SLC39A10: variants seen among roughly 807,000 people sequenced by gnomAD.
SLC39A10 encodes the protein zinc transporter ZIP10.
SLC39A10 carries 13 observed loss-of-function variants against 65.1 expected under a neutral mutation model. The observed-to-expected ratio is 0.20, with a 90% CI of 0.13 to 0.32. The LOEUF (loss-of-function observed/expected upper bound fraction) is 0.32. Ranked by LOEUF, SLC39A10 falls within the 10% of genes least tolerant of loss-of-function variation. The pLI is 1.00. For synonymous variants in SLC39A10, 321 were observed against 342.2 expected (o/e 0.94, Z 0.68); for missense variants, 831 against 1,018.4 (o/e 0.82, Z 2.50).
In SLC39A10 at chr2:195,687,885, C is replaced by G. The variant is rs535941984; in HGVS notation, c.1216+3979C>G. On this transcript the variant is annotated intron_variant, in intron 3 of 9. Coordinates refer to ENST00000359634, the MANE Select transcript of SLC39A10 (RefSeq NM_020342.3). ...ACCAAGGGGGGATGTGAATAGGCTG[C>G]TAAGCATTTTGTGTCAATTAAAATG... Among the ~76,000 whole-genome samples, 128 of 152,282 alleles carry G rather than the reference C, an allele frequency of 8.4e-4. No homozygotes were observed. In the Middle Eastern group the frequency reaches 0.017, roughly 20 times the overall value.
intron 5 of SLC39A10, among the ~76,000 whole-genome samples, chr2:195,709,085 T>G (rs1233586461): frequency 6.6e-6 from 1 of 152,128 alleles, no homozygotes; most frequent in Non-Finnish European, 1.5e-5. Context: ...AATGCAGTGT[T>G]GTGATCATGG....
chr2:195,637,343 C>A (rs1449602330), intron 2 of SLC39A10, among the ~76,000 whole-genome samples: 7 of 152,142 alleles, frequency 4.6e-5, no homozygotes. Flanking sequence ...GCGGTCTTTG[C>A]CCCACATGAG....
At chr2:195,663,791 CTTTTT>C (rs112204862) in intron 1 of SLC39A10, among the ~76,000 whole-genome samples, 2 of 133,292 alleles carry the variant, frequency 1.5e-5, no homozygotes, top group South Asian at 4.9e-4. Flanking sequence ...TAGTTTTTTT[CTTTTT>C]TTTTTTTTCA....
intron 3 of SLC39A10, among the ~76,000 whole-genome samples, chr2:195,705,945 C>T (rs550141917): frequency 6.6e-6 from 1 of 152,106 alleles, no homozygotes; most frequent in East Asian, 1.9e-4. Context: ...CTCTTGTGTT[C>T]TGAGCCAGTT....
intron 5 of SLC39A10, among the ~76,000 whole-genome samples, chr2:195,711,480 G>A (rs1691599657): frequency 6.6e-6 from 1 of 152,148 alleles, no homozygotes; most frequent in Non-Finnish European, 1.5e-5. Flanking sequence ...AAATAGTAAG[G>A]AATTCTCAAC....
rs757162748 is a variant in SLC39A10 at position 195,718,790 on chromosome 2, A to T, written c.2146+458A>T. 5.3e-5 allele frequency among the ~76,000 whole-genome samples: 8 copies of T among 152,234 alleles called. 1 individual carries two copies. The South Asian group carries it at 6.2e-4, about 12-fold the overall frequency. On this transcript the variant is annotated intron_variant, in intron 8 of 9. Coordinates refer to ENST00000359634, the MANE Select transcript of SLC39A10 (RefSeq NM_020342.3). ...CATAAATAATAGAAAGTTAATATTG[A>T]TGTTCAAAAATGTTACCTGGATGGT...
intron 2 of SLC39A10, among the ~76,000 whole-genome samples, chr2:195,632,191 C>G (rs1688597985): frequency 6.6e-6 from 1 of 151,242 alleles, no homozygotes; most frequent in African/African-American, 2.4e-5. Flanking sequence ...CCACACCCAT[C>G]ATCATGCCCA....
chr2:195,724,336 C>T (rs1053866861), intron 8 of SLC39A10, among the ~76,000 whole-genome samples: 2 of 151,884 alleles, frequency 1.3e-5, no homozygotes, highest in African/African-American at 4.8e-5. Flanking sequence ...ACTATAAATC[C>T]CTGCTGTGAG....
At chr2:195,636,477 C>T (rs1461231413) in intron 2 of SLC39A10, among the ~76,000 whole-genome samples, 3 of 152,078 alleles carry the variant, frequency 2.0e-5, no homozygotes, top group East Asian at 1.9e-4. Context: ...ATTGGCCTGG[C>T]GCAGTGGCTC....
At chr2:195,641,452 A>G (rs1688810024) in intron 2 of SLC39A10, among the ~76,000 whole-genome samples, 1 of 152,214 alleles carries the variant, frequency 6.6e-6, no homozygotes, top group Non-Finnish European at 1.5e-5. Context: ...TTAAGAAAGT[A>G]AAATGAGTCA....
chr2:195,723,041 G>T (rs1692105100), intron 8 of SLC39A10, among the ~76,000 whole-genome samples: 1 of 152,154 alleles, frequency 6.6e-6, no homozygotes, highest in African/African-American at 2.4e-5. Context: ...TCTCTCTGCA[G>T]TTTCTGCAGG....
intron 2 of SLC39A10, among the ~76,000 whole-genome samples, chr2:195,642,188 T>C (rs1328117234): frequency 6.6e-6 from 1 of 152,038 alleles, no homozygotes; most frequent in Non-Finnish European, 1.5e-5. Context: ...GGATTATAGG[T>C]GGACTTGATC....
intron 3 of SLC39A10, among the ~76,000 whole-genome samples, chr2:195,704,227 A>G (rs1172796472): frequency 6.6e-6 from 1 of 152,148 alleles, no homozygotes; most frequent in East Asian, 1.9e-4. Flanking sequence ...CACATTTTCA[A>G]GTTCTTAATT....
intron 2 of SLC39A10, among the ~76,000 whole-genome samples, chr2:195,645,969 G>T (rs1688905960): frequency 6.6e-6 from 1 of 152,026 alleles, no homozygotes; most frequent in Admixed American, 6.6e-5. Context: ...TTGAGATGGG[G>T]TCTCACTCTG....
intron 2 of SLC39A10, among the ~76,000 whole-genome samples, chr2:195,625,256 T>C (rs575881885): frequency 7.8e-4 from 95 of 122,120 alleles, no homozygotes; most frequent in African/African-American, 2.8e-3. Flanking sequence ...GATTTAAAAC[T>C]GTTGACAACT....
At chr2:195,707,473 T>C (rs955707885) in intron 4 of SLC39A10, among the ~76,000 whole-genome samples, 1 of 152,218 alleles carries the variant, frequency 6.6e-6, no homozygotes, top group Non-Finnish European at 1.5e-5. Context: ...GTATTGAGTA[T>C]TTCCCTTCTA....
chr2:195,722,389 T>A (rs1692075359), intron 8 of SLC39A10, among the ~76,000 whole-genome samples: 1 of 152,232 alleles, frequency 6.6e-6, no homozygotes, highest in Non-Finnish European at 1.5e-5. Flanking sequence ...CAGAAAGGGC[T>A]CTGGTCCTTG....
At chr2:195,614,733 A>G (rs1688170846) in intron 2 of SLC39A10, among the ~76,000 whole-genome samples, 1 of 151,690 alleles carries the variant, frequency 6.6e-6, no homozygotes, top group African/African-American at 2.4e-5. Flanking sequence ...ACTGATTTCA[A>G]TTATTTGTGT....
At chr2:195,652,661 T>G (rs1689062556), upstream of SLC39A10, among the ~76,000 whole-genome samples, 1 of 85,134 alleles carries the variant, frequency 1.2e-5, no homozygotes, top group Non-Finnish European at 3.0e-5. Context: ...AGAGAATAAA[T>G]TGTGTTTCTT....
Sources: gnomAD v4.1 joint callset for allele counts (sites outside exome capture counted in the v4.1 genomes callset) on GRCh38, gnomAD v4.1.1 for gene constraint, MANE v1.5 for transcripts, NCBI Gene and HGNC (gene_info 2026-07-23, HGNC 2026-07-21) for gene names.